Variants in TRPC6 observed in about 807,000 individuals in gnomAD.
TRPC6 encodes the protein short transient receptor potential channel 6.
In TRPC6, 55 loss-of-function variants were observed where a neutral mutation model predicts 90.7. The observed-to-expected ratio is 0.61, with a 90% CI of 0.49 to 0.76. TRPC6 has a LOEUF of 0.76. Ranked by LOEUF, TRPC6 falls within the 30% of genes least tolerant of loss-of-function variation. The probability of loss-of-function intolerance (pLI) is 0.00; values close to 1 mark genes in which losing one functional copy is unlikely to be tolerated. For synonymous variants in TRPC6, 393 were observed against 393.0 expected, an observed-to-expected ratio of 1.00 and a Z score of 0.00; for missense variants, 989 against 1,122.7, an observed-to-expected ratio of 0.88 and a Z score of 1.70.
chr11:101,559,611 A>G (rs1470030627), intron 1 of TRPC6, among the ~76,000 whole-genome samples: 1 of 151,420 alleles, frequency 6.6e-6, no homozygotes, highest in East Asian at 1.9e-4. Context: ...TCTACACCTA[A>G]GAGCATCCAC....
chr11:101,469,276 A>T (rs11224773), intron 10 of TRPC6, 151 bp downstream of exon 10: 2 of 627,496 alleles, frequency 3.2e-6, no homozygotes, highest in African/African-American at 1.8e-5. Flanking sequence ...CTACCTCTCA[A>T]TAACAGAATT....
chr11:101,464,328 G>T (rs1228799576), intron 10 of TRPC6, among the ~76,000 whole-genome samples: 1 of 152,160 alleles, frequency 6.6e-6, no homozygotes, highest in African/African-American at 2.4e-5. Flanking sequence ...GCAGAGCTGA[G>T]TTGAAGTCCC....
intron 1 of TRPC6, among the ~76,000 whole-genome samples, chr11:101,517,203 G>A (rs1361635474): frequency 1.3e-5 from 2 of 152,176 alleles, no homozygotes; most frequent in African/African-American, 4.8e-5. Flanking sequence ...CCTAAAGGAA[G>A]GTGAAAAGGA....
At chr11:101,539,171 C>T (rs11224827) in intron 1 of TRPC6, among the ~76,000 whole-genome samples, 15,942 of 152,242 alleles carry the variant, frequency 0.1, 1,026 homozygotes, top group Admixed American at 0.17. Context: ...TTATCACGCT[C>T]AATTTTGACT....
At chr11:101,563,653 G>A (rs1022168214) in intron 1 of TRPC6, among the ~76,000 whole-genome samples, 6 of 152,050 alleles carry the variant, frequency 3.9e-5, no homozygotes, top group African/African-American at 1.4e-4. Context: ...AATGGAGTGA[G>A]GATAAAGAGG....
intron 10 of TRPC6, among the ~76,000 whole-genome samples, chr11:101,462,940 T>C (rs150497189): frequency 2.0e-5 from 3 of 152,182 alleles, no homozygotes; most frequent in Non-Finnish European, 4.4e-5. Flanking sequence ...ATATTGGCTG[T>C]GGGTTTGTCA....
In TRPC6 at chr11:101,476,285, TG is replaced by T; in HGVS notation, c.1744+15del. 6.2e-7 allele frequency: 1 copy of T among 1,605,384 alleles called. No individual in the cohort carries two copies. Among genetic ancestry groups the T allele is most frequent in the Non-Finnish European group, 8.5e-7 (1 of 1,172,136 alleles). ...ATTCTGCATTTTTATTTATATTGAC[TG>T]TACTGTAAACTCACCCAAATTGTAG... is the stretch of plus-strand genomic sequence containing the variant. On this transcript the variant is annotated intron_variant, in intron 6 of 12. Coordinates refer to ENST00000344327, the MANE Select transcript of TRPC6 (RefSeq NM_004621.6).
At chr11:101,565,029 A>T (rs886470323) in intron 1 of TRPC6, among the ~76,000 whole-genome samples, 12 of 152,130 alleles carry the variant, frequency 7.9e-5, no homozygotes, top group African/African-American at 2.9e-4. Context: ...CAAAAGAATT[A>T]AATTGGACCC....
In TRPC6 at chr11:101,531,124, T is replaced by C. The variant is rs1458195447; in HGVS notation, c.171-26326A>G. ...CACACACACCGGTAACAATGTGTGG[T>C]GATGGATGTGTTGATTACTTTGATT... On this transcript the variant is annotated intron_variant, in intron 1 of 12. Transcript: ENST00000344327. 2.0e-5 allele frequency among the ~76,000 whole-genome samples: 3 copies of C among 152,312 alleles called. No homozygotes were observed. The South Asian group carries it at 6.2e-4, about 32-fold the overall frequency.
intron 1 of TRPC6, among the ~76,000 whole-genome samples, chr11:101,540,765 A>C (rs1861149155): frequency 6.6e-6 from 1 of 152,212 alleles, no homozygotes; most frequent in Admixed American, 6.5e-5. Context: ...TGAGTTAAAA[A>C]TCAAAATGTT....
intron 2 of TRPC6, among the ~76,000 whole-genome samples, chr11:101,494,181 CACTAT>C (rs1283189170): frequency 6.6e-6 from 1 of 152,098 alleles, no homozygotes; most frequent in East Asian, 1.9e-4. Context: ...TGTCCATGTC[CACTAT>C]ACTATAGTAT....
chr11:101,527,708 T>C (rs1371501358), intron 1 of TRPC6, among the ~76,000 whole-genome samples: 1 of 152,196 alleles, frequency 6.6e-6, no homozygotes, highest in Non-Finnish European at 1.5e-5. Flanking sequence ...ACTAAATAAT[T>C]GATTTTTTTT....
intron 1 of TRPC6, among the ~76,000 whole-genome samples, chr11:101,548,331 T>G (rs1174660962): frequency 8.6e-6 from 1 of 116,846 alleles, no homozygotes; most frequent in Non-Finnish European, 1.8e-5. Flanking sequence ...TTATATATAA[T>G]TGAAATACAA....
At chr11:101,551,423 C>A (rs1291593343) in intron 1 of TRPC6, among the ~76,000 whole-genome samples, 1 of 151,902 alleles carries the variant, frequency 6.6e-6, no homozygotes, top group Non-Finnish European at 1.5e-5. Flanking sequence ...CAGATTTGAC[C>A]ACTTAAAGTA....
At chr11:101,500,214 CT>C (rs11417954) in intron 2 of TRPC6, among the ~76,000 whole-genome samples, 36 of 138,512 alleles carry the variant, frequency 2.6e-4, no homozygotes, top group East Asian at 4.2e-4. Context: ...TTTTTTCTTT[CT>C]TTTTTTTTTT....
chr11:101,567,162 G>A (rs1861853931), intron 1 of TRPC6, among the ~76,000 whole-genome samples: 1 of 152,018 alleles, frequency 6.6e-6, no homozygotes, highest in Non-Finnish European at 1.5e-5. Flanking sequence ...GATCACCTGG[G>A]TCACTCTAGC....
chr11:101,521,948 A>T (rs1265505852), intron 1 of TRPC6, among the ~76,000 whole-genome samples: 1 of 152,158 alleles, frequency 6.6e-6, no homozygotes, highest in African/African-American at 2.4e-5. Context: ...GGAAGTAAGT[A>T]ACTTTTTGTT....
At chr11:101,505,429 G>A (rs996179611) in intron 1 of TRPC6, among the ~76,000 whole-genome samples, 1 of 152,140 alleles carries the variant, frequency 6.6e-6, no homozygotes, top group African/African-American at 2.4e-5. Context: ...GAGAGAAAAT[G>A]ACAAGCTGAA....
chr11:101,482,949 C>T lies in TRPC6; in HGVS notation c.1510G>A (p.Gly504Ser). 6.2e-7 allele frequency: 1 copy of T among 1,613,876 alleles called. No homozygotes were observed. Among genetic ancestry groups the T allele is most frequent in the East Asian group, 2.2e-5 (1 of 44,880 alleles). ...AACATGACAGAAAATCAGTCTTTAC[C>T]TATTACCCAGGATATAATGAGCATC... is the stretch of plus-strand genomic sequence containing the variant. The part of the protein sequence containing the change: ...MEMLIISWVI[G>S]MIWAECKEIW... Residue 504 changes from glycine (G) to serine (S), a missense_variant and splice_region_variant, in exon 5 of 13, where the codon GGC becomes AGC. Gly to Ser is a moderately conservative substitution (Grantham distance 56). This residue lies in a region of TRPC6 where 486 missense variants were observed against 591.9 expected (regional missense o/e 0.82). Transcript: ENST00000344327.
Sources: gnomAD v4.1 joint callset for allele counts (sites outside exome capture counted in the v4.1 genomes callset) on GRCh38, gnomAD v4.1.1 for gene constraint, gnomAD v4.1.1 regional missense constraint, MANE v1.5 for transcripts, NCBI Gene and HGNC (gene_info 2026-07-23, HGNC 2026-07-21) for gene names.